DTD1: variants seen among roughly 807,000 people sequenced by gnomAD.
DTD1 encodes D-tyrosyl-tRNA deacylase 1 homolog.
In DTD1, 13 loss-of-function variants were observed where a neutral mutation model predicts 25.6. That is an observed-to-expected ratio of 0.51 (90% CI 0.33 to 0.81). The LOEUF (loss-of-function observed/expected upper bound fraction) is 0.81. Ranked by LOEUF, DTD1 falls within the 30% of genes least tolerant of loss-of-function variation. DTD1 has a pLI of 0.02. For synonymous variants in DTD1, 110 were observed against 103.6 expected (o/e 1.06, Z -0.37); for missense variants, 193 against 266.4 (o/e 0.72, Z 1.92).
chr20:18,682,131 TA>T (rs1411859295), intron 4 of DTD1, among the ~76,000 whole-genome samples: 2 of 152,316 alleles, frequency 1.3e-5, no homozygotes, highest in East Asian at 3.9e-4. Context: ...CTGTGGATTT[TA>T]AAAAGAAGTA....
In DTD1 at chr20:18,741,513, C is replaced by A. The variant is rs182864865; in HGVS notation, c.478-2587C>A. Among the ~76,000 whole-genome samples, 20 of 152,276 alleles carry A rather than the reference C, an allele frequency of 1.3e-4. No individual in the cohort carries two copies. In the East Asian group the frequency reaches 3.7e-3, roughly 28 times the overall value. ...GTTACAGTTGAAGCCTGTATATATT[C>A]ATTCCACTAAGATCCCATTATCCTC... On this transcript the variant is annotated intron_variant, in intron 4 of 5. Coordinates refer to ENST00000377452, the MANE Select transcript of DTD1 (RefSeq NM_080820.6).
chr20:18,738,354 C>T (rs547824052), intron 4 of DTD1, among the ~76,000 whole-genome samples: 7 of 152,258 alleles, frequency 4.6e-5, no homozygotes, highest in Admixed American at 2.6e-4. Flanking sequence ...TAAGATTTTG[C>T]TTTCAACTTC....
At chr20:18,609,687 T>C (rs1209046663) in intron 3 of DTD1, among the ~76,000 whole-genome samples, 2 of 152,170 alleles carry the variant, frequency 1.3e-5, no homozygotes, top group African/African-American at 2.4e-5. Context: ...TTTCTACTTG[T>C]AAAAAATGTC....
chr20:18,634,891 G>T (rs1300749986), intron 4 of DTD1, among the ~76,000 whole-genome samples: 1 of 152,286 alleles, frequency 6.6e-6, no homozygotes, highest in East Asian at 1.9e-4. Flanking sequence ...GCACAGAGGG[G>T]AGCTCTCACT....
chr20:18,663,557 TATA>T (rs1433856385), intron 4 of DTD1, among the ~76,000 whole-genome samples: 2 of 152,318 alleles, frequency 1.3e-5, no homozygotes, highest in East Asian at 3.9e-4. Context: ...CCCATAAGAT[TATA>T]ATATTGTTTC....
chr20:18,630,934 G>T (rs1318375228), intron 4 of DTD1: 1 of 316,406 alleles, frequency 3.2e-6, no homozygotes, highest in Non-Finnish European at 4.6e-6. Context: ...CCTTCATAGT[G>T]CATCCTACCA....
intron 3 of DTD1, 27 bp downstream of exon 3, chr20:18,596,268 C>G (rs1884875): frequency 1 from 1,600,456 of 1,600,714 alleles, 800,100 homozygotes; most frequent in Middle Eastern, 1. Flanking sequence ...CATCCAGGAA[C>G]GGGTCTTTGG....
At chr20:18,664,148 T>G (rs1342286314) in intron 4 of DTD1, among the ~76,000 whole-genome samples, 1 of 152,250 alleles carries the variant, frequency 6.6e-6, no homozygotes, top group Non-Finnish European at 1.5e-5. Context: ...ATGCATTTCT[T>G]GGAATGTGTC....
At chr20:18,618,649 A>G (rs1016499314) in intron 3 of DTD1, among the ~76,000 whole-genome samples, 2 of 149,618 alleles carry the variant, frequency 1.3e-5, no homozygotes, top group African/African-American at 4.9e-5. Flanking sequence ...ATACACATAT[A>G]TGTGTATATA....
rs544733722 is a variant in DTD1 at position 18,763,779 on chromosome 20, G to A, written c.*439G>A. On this transcript the variant is annotated 3_prime_UTR_variant, in exon 6 of 6. Coordinates refer to ENST00000377452, the MANE Select transcript of DTD1 (RefSeq NM_080820.6). ...CATGTTCTTTTTATTGCCAGGGCCC[G>A]TGTTGAAGTGTCAAGAGAGCAATCA... The A allele has an allele frequency of 1.3e-5, 2 of 152,380 alleles. No homozygotes were observed. Among genetic ancestry groups the A allele is most frequent in the South Asian group, 2.1e-4 (1 of 4,826 alleles). The allele number at this position is 152,380 out of a possible 1,614,324, so 9.4% of individuals were successfully genotyped here.
chr20:18,763,292 A>G (rs754632919), intron 5 of DTD1, 68 bp from the exon 6 acceptor site: 1 of 152,638 alleles, frequency 6.6e-6, no homozygotes, highest in Non-Finnish European at 1.5e-5. Flanking sequence ...TTATATGCCT[A>G]TGCTAATAGA....
chr20:18,739,376 G>A (rs750737196), intron 4 of DTD1, among the ~76,000 whole-genome samples: 4 of 152,198 alleles, frequency 2.6e-5, no homozygotes, highest in Non-Finnish European at 2.9e-5. Flanking sequence ...TTTGGCACAC[G>A]TGTTCCCAAG....
intron 4 of DTD1, among the ~76,000 whole-genome samples, chr20:18,633,785 G>C (rs1420576403): frequency 5.9e-5 from 9 of 152,234 alleles, no homozygotes; most frequent in African/African-American, 2.2e-4. Flanking sequence ...CTCTACTTAT[G>C]TGATGCAGCT....
chr20:18,744,088 T>G lies in DTD1; in HGVS notation c.478-12T>G, dbSNP rs1016656746. On this transcript the variant is annotated splice_polypyrimidine_tract_variant and intron_variant, in intron 4 of 5. Transcript: ENST00000377452. ...GTTTGTAAAATATTCTTTTTTATTT[T>G]TATTTAATCAGCTGTCAAAGCTCGA... The G allele has an allele frequency of 6.4e-7, 1 of 1,567,682 alleles. No homozygotes were observed. The highest frequency in any genetic ancestry group is 1.4e-5 in the African/African-American group (1 of 72,790).
At chr20:18,621,768 T>A (rs140841057) in intron 3 of DTD1, among the ~76,000 whole-genome samples, 2,135 of 152,186 alleles carry the variant, frequency 0.014, 36 homozygotes, top group African/African-American at 0.034. Context: ...TTTACTTTTT[T>A]AAAAAAATTT....
chr20:18,620,429 T>C (rs886929861), intron 3 of DTD1, among the ~76,000 whole-genome samples: 9 of 152,204 alleles, frequency 5.9e-5, no homozygotes, highest in African/African-American at 2.2e-4. Flanking sequence ...CTATCTCAGT[T>C]GGTGGCAACG....
intron 4 of DTD1, among the ~76,000 whole-genome samples, chr20:18,740,145 C>T (rs2061271358): frequency 6.6e-6 from 1 of 152,004 alleles, no homozygotes; most frequent in Non-Finnish European, 1.5e-5. Context: ...GAGGGCTGTG[C>T]TAATTGGGGT....
chr20:18,716,449 G>GT (rs2061180988), intron 4 of DTD1, among the ~76,000 whole-genome samples: 1 of 152,220 alleles, frequency 6.6e-6, no homozygotes, highest in Non-Finnish European at 1.5e-5. Flanking sequence ...GCCACCCGCA[G>GT]GTGGCTGCCG....
At chr20:18,625,111 G>A (rs1436292152) in intron 3 of DTD1, among the ~76,000 whole-genome samples, 3 of 152,290 alleles carry the variant, frequency 2.0e-5, no homozygotes, top group Non-Finnish European at 2.9e-5. Context: ...CCACCTCTGC[G>A]CTGTTGCAGA....
Sources: allele counts gnomAD v4.1 joint callset (sites outside exome capture counted in the v4.1 genomes callset), GRCh38; gene constraint gnomAD v4.1.1; transcripts MANE v1.5; gene names NCBI Gene and HGNC (gene_info 2026-07-23, HGNC 2026-07-21).